MYBPC1: variants seen among roughly 807,000 people sequenced by gnomAD.
The protein encoded by MYBPC1 is myosin binding protein C1, also known as myosin-binding protein C, slow-type.
In MYBPC1, 52 loss-of-function variants were observed where a neutral mutation model predicts 147.1. The observed-to-expected ratio is 0.35, with a 90% confidence interval of 0.28 to 0.45. MYBPC1 has a LOEUF of 0.45. Among genes scored for constraint, MYBPC1 ranks in the 20% least tolerant of loss-of-function variants. The pLI is 1.00. For missense variants in MYBPC1, 1,228 were observed against 1,440.3 expected (o/e 0.85, Z 2.39); for synonymous variants, 477 against 475.9 (o/e 1.00, Z -0.03).
At chr12:101,651,455 A>G in intron 16 of MYBPC1, 62 bp downstream of exon 16, 2 of 1,591,204 alleles carry the variant, frequency 1.3e-6, no homozygotes, top group Non-Finnish European at 1.7e-6. Context: ...TCCATTTTCT[A>G]AATTACATAT....
chr12:101,598,669 G>C (rs1408362449), intron 1 of MYBPC1, among the ~76,000 whole-genome samples: 3 of 152,066 alleles, frequency 2.0e-5, no homozygotes, highest in Non-Finnish European at 4.4e-5. Flanking sequence ...TGCCTCCCAG[G>C]CTCAAGCAAT....
intron 26 of MYBPC1, 150 bp downstream of exon 26, chr12:101,675,581 C>T: frequency 1.6e-6 from 2 of 1,221,890 alleles, no homozygotes; most frequent in Non-Finnish European, 2.4e-6. Context: ...CCTGTGGAGC[C>T]ACAGAGCTGG....
At chr12:101,641,188 C>T (rs1891965373) in intron 10 of MYBPC1, among the ~76,000 whole-genome samples, 2 of 151,718 alleles carry the variant, frequency 1.3e-5, no homozygotes, top group Non-Finnish European at 2.9e-5. Flanking sequence ...AGATGTAACC[C>T]ATCATTCCCT....
At chr12:101,695,002 T>G in the MYBPC1 span, among the ~76,000 whole-genome samples, 1 of 152,198 alleles carries the variant, frequency 6.6e-6, no homozygotes, top group South Asian at 2.1e-4. Context: ...TGTGCAAGAA[T>G]TTCTTTAGGA....
At chr12:101,598,673 A>T (rs1160103285) in intron 1 of MYBPC1, among the ~76,000 whole-genome samples, 1 of 152,138 alleles carries the variant, frequency 6.6e-6, no homozygotes, top group Non-Finnish European at 1.5e-5. Flanking sequence ...TCCCAGGCTC[A>T]AGCAATCCTC....
chr12:101,692,752 A>G, the MYBPC1 span, among the ~76,000 whole-genome samples: 6 of 152,204 alleles, frequency 3.9e-5, no homozygotes, highest in African/African-American at 1.4e-4. Flanking sequence ...AAGAAATAAA[A>G]TAATAGGAAA....
Position 101,644,774 on chromosome 12 carries a change from C to G in MYBPC1, c.943C>G (p.Gln315Glu). 6.2e-7 allele frequency: 1 copy of G among 1,613,874 alleles called. No individual in the cohort carries two copies. The highest frequency in any genetic ancestry group is 8.5e-7 in the Non-Finnish European group (1 of 1,179,910). Residue 315 changes from glutamine (Q) to glutamate (E), a missense_variant, in exon 12 of 32, where the codon CAA becomes GAA. By Grantham distance (29) the Gln-to-Glu change is conservative. Coordinates refer to ENST00000361466, the MANE Select transcript of MYBPC1 (RefSeq NM_002465.4). ...KLEVKWYKNG[Q>E]EIRPSTKYIF... ...GGAGGTGAAATGGTATAAAAATGGT[C>G]AAGAAATTCGACCCAGTACCAAGTA...
intron 18 of MYBPC1, among the ~76,000 whole-genome samples, chr12:101,658,018 C>A (rs1400655218): frequency 6.6e-6 from 1 of 151,756 alleles, no homozygotes; most frequent in African/African-American, 2.4e-5. Context: ...GTAGTCCCAG[C>A]TAGTCGGGAG....
At chr12:101,608,322 A>G (rs1018641016) in intron 1 of MYBPC1, among the ~76,000 whole-genome samples, 3 of 152,144 alleles carry the variant, frequency 2.0e-5, no homozygotes, top group Non-Finnish European at 1.5e-5. Flanking sequence ...TATTTTTTTC[A>G]AAAAGTATCC....
At chr12:101,695,309 G>A in the MYBPC1 span, among the ~76,000 whole-genome samples, 1 of 152,212 alleles carries the variant, frequency 6.6e-6, no homozygotes, top group Non-Finnish European at 1.5e-5. Flanking sequence ...ATAAAGGACA[G>A]GTGGCTTATA....
intron 18 of MYBPC1, among the ~76,000 whole-genome samples, chr12:101,658,816 A>G (rs188066278): frequency 6.6e-6 from 1 of 152,348 alleles, no homozygotes; most frequent in Non-Finnish European, 1.5e-5. Context: ...TGTGATCACA[A>G]TCTCAGGTTA....
At chr12:101,620,888 C>A (rs825091) in intron 3 of MYBPC1, among the ~76,000 whole-genome samples, 72,659 of 151,806 alleles carry the variant, frequency 0.48, 17,908 homozygotes, top group East Asian at 0.67. Flanking sequence ...GGAAATAAAA[C>A]CTTATTTTCT....
chr12:101,653,213 C>A lies in MYBPC1; in HGVS notation c.1732C>A (p.Pro578Thr). ...TCTTGAGATCCCCATCAGCGGAGAA[C>A]CACCTCCTAAAGCCATGTGGAGCCG... ...LRLEIPISGE[P>T]PPKAMWSRGD... is the part of the protein sequence containing the mutation. The change falls in exon 18 of 32, where the codon CCA becomes ACA. Residue 578 changes from proline (P) to threonine (T), a missense_variant. By Grantham distance (38) the Pro-to-Thr change is conservative (BLOSUM62 -1). This residue lies in a region of MYBPC1 where 1,077 missense variants were observed against 1,314.2 expected (regional missense o/e 0.82). Transcript: ENST00000361466. 6.2e-7 allele frequency: 1 copy of A among 1,614,118 alleles called. No homozygotes were observed. The highest frequency in any genetic ancestry group is 8.5e-7 in the Non-Finnish European group (1 of 1,180,026).
chr12:101,631,923 T>C (rs767571368), intron 7 of MYBPC1, 98 bp from the exon 8 acceptor site: 31 of 1,313,326 alleles, frequency 2.4e-5, no homozygotes, highest in Admixed American at 1.2e-4. Context: ...GTGAGAACAT[T>C]GTACTGGAAT....
At chr12:101,677,109 T>C in intron 26 of MYBPC1, 126 bp from the exon 27 acceptor site, 2 of 881,458 alleles carry the variant, frequency 2.3e-6, no homozygotes, top group Non-Finnish European at 3.5e-6. Context: ...ACTCTCCATA[T>C]AAAAATGAGT....
At chr12:101,608,944 C>T (rs1269066541) in intron 1 of MYBPC1, among the ~76,000 whole-genome samples, 1 of 152,000 alleles carries the variant, frequency 6.6e-6, no homozygotes, top group African/African-American at 2.4e-5. Context: ...GAAAGCTGCC[C>T]ACGGAATGCC....
chr12:101,620,686 G>A (rs370242645), intron 3 of MYBPC1, among the ~76,000 whole-genome samples: 7 of 152,288 alleles, frequency 4.6e-5, no homozygotes, highest in South Asian at 4.1e-4. Flanking sequence ...GGAAAGTTCC[G>A]AAAATGGTTC....
At chr12:101,597,836 G>A (rs1005902724) in intron 1 of MYBPC1, among the ~76,000 whole-genome samples, 9 of 152,004 alleles carry the variant, frequency 5.9e-5, no homozygotes, top group Non-Finnish European at 1.3e-4. Context: ...AGAACCTAAG[G>A]CCTAGTACAA....
chr12:101,615,361 C>G (rs923330168), intron 2 of MYBPC1, among the ~76,000 whole-genome samples: 1 of 152,134 alleles, frequency 6.6e-6, no homozygotes, highest in South Asian at 2.1e-4. Context: ...TTCCTCATCC[C>G]TCTTCCTCCT....
Sources: gnomAD v4.1 joint callset for allele counts (sites outside exome capture counted in the v4.1 genomes callset) on GRCh38, gnomAD v4.1.1 for gene constraint, gnomAD v4.1.1 regional missense constraint, MANE v1.5 for transcripts, NCBI Gene and HGNC (gene_info 2026-07-23, HGNC 2026-07-21) for gene names.